KCNIP1: variants seen among roughly 807,000 people sequenced by gnomAD.
KCNIP1 encodes the protein A-type potassium channel modulatory protein KCNIP1.
KCNIP1 carries 18 observed loss-of-function variants against 33.0 expected under a neutral mutation model. The observed-to-expected ratio is 0.55, with a 90% CI of 0.38 to 0.81. KCNIP1 has a LOEUF of 0.81. Among genes scored for constraint, KCNIP1 ranks in the 30% least tolerant of loss-of-function variants. The probability of loss-of-function intolerance (pLI) is 0.00; values close to 1 mark genes in which losing one functional copy is unlikely to be tolerated. For missense variants in KCNIP1, 238 were observed against 271.6 expected, an observed-to-expected ratio of 0.88 and a Z score of 0.87; for synonymous variants, 93 against 98.3, an observed-to-expected ratio of 0.95 and a Z score of 0.32.
At chr5:170,542,993 G>A (rs1756269774) in intron 1 of KCNIP1, among the ~76,000 whole-genome samples, 2 of 152,118 alleles carry the variant, frequency 1.3e-5, no homozygotes, top group South Asian at 4.1e-4. Flanking sequence ...GTCTGGTGAG[G>A]GCCAGTTCTT....
rs765894434 is a variant in KCNIP1 at position 170,721,820 on chromosome 5, T to G, written c.257-13T>G. Reference sequence around the variant, plus strand: ...CCTGCCCCCATCACCTGCCCTCCTTTTCTGCCTTGTAGATGCCAGCACGTA... The same window carrying G: ...CCTGCCCCCATCACCTGCCCTCCTTGTCTGCCTTGTAGATGCCAGCACGTA... On this transcript the variant is annotated splice_polypyrimidine_tract_variant and intron_variant, in intron 3 of 7. Coordinates refer to ENST00000328939, the MANE Select transcript of KCNIP1 (RefSeq NM_014592.4). 2 of 1,614,196 alleles carry G rather than the reference T, an allele frequency of 1.2e-6. No homozygotes were observed. Among genetic ancestry groups the G allele is most frequent in the Non-Finnish European group, 1.7e-6 (2 of 1,180,030 alleles).
intron 1 of KCNIP1, among the ~76,000 whole-genome samples, chr5:170,665,241 T>C (rs1299847163): frequency 1.3e-5 from 2 of 152,188 alleles, no homozygotes; most frequent in East Asian, 1.9e-4. Flanking sequence ...CTAACTGCCA[T>C]GAGGCCCCTG....
At chr5:170,543,723 C>T (rs1237157097) in intron 1 of KCNIP1, among the ~76,000 whole-genome samples, 1 of 152,232 alleles carries the variant, frequency 6.6e-6, no homozygotes, top group East Asian at 1.9e-4. Context: ...TCACTTTTCT[C>T]TTCTTCGGTT....
At chr5:170,699,860 C>T (rs1389219592) in intron 1 of KCNIP1, among the ~76,000 whole-genome samples, 5 of 152,322 alleles carry the variant, frequency 3.3e-5, no homozygotes, top group South Asian at 2.1e-4. Context: ...AGGAAGGACA[C>T]GAAGCCAGCA....
intron 1 of KCNIP1, among the ~76,000 whole-genome samples, chr5:170,626,114 T>A (rs1187903385): frequency 6.6e-6 from 1 of 152,172 alleles, no homozygotes; most frequent in African/African-American, 2.4e-5. Flanking sequence ...CTGGAAGGTT[T>A]GAAGCAGAGG....
At chr5:170,395,165 A>AATC (rs1473399843) in intron 1 of KCNIP1, among the ~76,000 whole-genome samples, 1 of 152,208 alleles carries the variant, frequency 6.6e-6, no homozygotes, top group Non-Finnish European at 1.5e-5. Context: ...TTATTTAAGA[A>AATC]ATCTCCAAAG....
rs1755100018 is a variant in KCNIP1 at position 170,408,637 on chromosome 5, A to T, written c.88+54673A>T. Among the ~76,000 whole-genome samples the T allele has an allele frequency of 2.0e-5, 3 of 152,196 alleles. No homozygotes were observed. In the South Asian group the frequency reaches 6.2e-4, roughly 31 times the overall value. On this transcript the variant is annotated intron_variant, in intron 1 of 7. Transcript: ENST00000377360. ...CGGGCGATGAGAGAAAGTAATTGGCATAGTTTGAGTGAAATGAAGGTGGTG... is the reference window on the plus strand; with the variant it reads ...CGGGCGATGAGAGAAAGTAATTGGCTTAGTTTGAGTGAAATGAAGGTGGTG...
At chr5:170,679,900 C>G (rs553304218) in intron 1 of KCNIP1, among the ~76,000 whole-genome samples, 1 of 151,916 alleles carries the variant, frequency 6.6e-6, no homozygotes, top group Non-Finnish European at 1.5e-5. Flanking sequence ...CTGTTATAAA[C>G]GAATGATGCA....
intron 1 of KCNIP1, among the ~76,000 whole-genome samples, chr5:170,566,871 G>A (rs1056514149): frequency 2.6e-5 from 4 of 152,196 alleles, no homozygotes; most frequent in Non-Finnish European, 4.4e-5. Context: ...AAACAAGCAC[G>A]AGGAATTAGG....
At chr5:170,511,078 A>G (rs551669409) in intron 1 of KCNIP1, among the ~76,000 whole-genome samples, 16 of 152,272 alleles carry the variant, frequency 1.1e-4, no homozygotes, top group African/African-American at 3.9e-4. Flanking sequence ...GCATGGTGGC[A>G]TGCTCCTGTA....
intron 1 of KCNIP1, among the ~76,000 whole-genome samples, chr5:170,675,109 T>C (rs1264612651): frequency 6.6e-6 from 1 of 152,066 alleles, no homozygotes; most frequent in Non-Finnish European, 1.5e-5. Context: ...TAGACCAGCC[T>C]GGGCAATATA....
At chr5:170,480,724 G>A (rs960251782) in intron 1 of KCNIP1, among the ~76,000 whole-genome samples, 1 of 152,208 alleles carries the variant, frequency 6.6e-6, no homozygotes, top group African/African-American at 2.4e-5. Context: ...GATTACAGGC[G>A]TGAGGCACTG....
At chr5:170,721,422 G>A (rs140571128) in intron 3 of KCNIP1, among the ~76,000 whole-genome samples, 8 of 152,274 alleles carry the variant, frequency 5.3e-5, no homozygotes, top group East Asian at 1.9e-4. Flanking sequence ...CAGAGAGGTC[G>A]TGCTTGATGC....
At chr5:170,416,975 T>C (rs1205069088) in intron 1 of KCNIP1, among the ~76,000 whole-genome samples, 4 of 152,250 alleles carry the variant, frequency 2.6e-5, no homozygotes, top group African/African-American at 7.2e-5. Flanking sequence ...ATCTTTTTAA[T>C]TGAGTGTATC....
intron 1 of KCNIP1, chr5:170,377,891 G>A (rs1437055922): frequency 3.3e-5 from 5 of 152,082 alleles, no homozygotes; most frequent in Non-Finnish European, 5.9e-5. Context: ...TTTTAAGATT[G>A]TGTGTTCTGA....
intron 1 of KCNIP1, among the ~76,000 whole-genome samples, chr5:170,402,851 T>G (rs772663560): frequency 1.3e-5 from 2 of 152,214 alleles, no homozygotes; most frequent in Non-Finnish European, 2.9e-5. Context: ...TCTTCATTCA[T>G]GTAATTCATT....
chr5:170,711,188 C>T (rs900917762), intron 1 of KCNIP1, among the ~76,000 whole-genome samples: 2 of 152,158 alleles, frequency 1.3e-5, no homozygotes, highest in South Asian at 2.1e-4. Context: ...AGCAGTTACT[C>T]TCCAGTTCTC....
At chr5:170,658,482 T>C (rs1326767220) in intron 1 of KCNIP1, among the ~76,000 whole-genome samples, 1 of 152,194 alleles carries the variant, frequency 6.6e-6, no homozygotes, top group Non-Finnish European at 1.5e-5. Flanking sequence ...ACATTGGAGA[T>C]TGAGTTTCAA....
At chr5:170,543,327 A>G (rs1328583623) in intron 1 of KCNIP1, among the ~76,000 whole-genome samples, 1 of 152,250 alleles carries the variant, frequency 6.6e-6, no homozygotes, top group African/African-American at 2.4e-5. Context: ...GAAACTTCTT[A>G]AAACAAATGT....
Sources: allele counts gnomAD v4.1 joint callset (sites outside exome capture counted in the v4.1 genomes callset), GRCh38; gene constraint gnomAD v4.1.1; transcripts MANE v1.5; gene names NCBI Gene and HGNC (gene_info 2026-07-23, HGNC 2026-07-21).